CERS5: variants seen among roughly 807,000 people sequenced by gnomAD.
The protein encoded by CERS5 is LAG1 homolog, ceramide synthase 5.
CERS5 carries 37 observed loss-of-function variants against 58.9 expected under a neutral mutation model. That is an observed-to-expected ratio of 0.63 (90% confidence interval 0.48 to 0.83). The LOEUF (loss-of-function observed/expected upper bound fraction) is 0.83. Among genes scored for constraint, CERS5 ranks in the 40% least tolerant of loss-of-function variants. The pLI, the probability that CERS5 is intolerant of heterozygous loss-of-function variation, is 0.00. For missense variants in CERS5, 398 were observed against 489.3 expected (o/e 0.81, Z 1.76); for synonymous variants, 147 against 177.8 (o/e 0.83, Z 1.38).
intron 1 of CERS5, chr12:50,153,775 T>C: frequency 3.3e-6 from 1 of 301,434 alleles, no homozygotes. Context: ...GCCAATATGG[T>C]GAAACCCCAT....
At chr12:50,132,515 A>G (rs138786354) in intron 9 of CERS5, among the ~76,000 whole-genome samples, 4 of 152,348 alleles carry the variant, frequency 2.6e-5, no homozygotes, top group African/African-American at 9.6e-5. Context: ...CTGAAGGATA[A>G]TAAATGTGGT....
At chr12:50,141,796 A>C (rs563127911) in intron 4 of CERS5, among the ~76,000 whole-genome samples, 1 of 152,042 alleles carries the variant, frequency 6.6e-6, no homozygotes, top group East Asian at 1.9e-4. Flanking sequence ...AAAATTAGCC[A>C]GGTATGGTGA....
chr12:50,167,246 T>A lies in CERS5; in HGVS notation c.52A>T (p.Ser18Cys). Residue 18 changes from serine (S) to cysteine (C), a missense_variant, in exon 1 of 10, where the codon AGC (serine) becomes TGC (cysteine). Physicochemically the swap from Ser to Cys is moderately radical, Grantham distance 112. This residue lies in a region of CERS5 where 328 missense variants were observed against 384.5 expected (regional missense o/e 0.85). Coordinates refer to ENST00000317551, the MANE Select transcript of CERS5 (RefSeq NM_147190.5). Reference protein sequence around the residue: ...PLSLLWGWLWSERFWLPENVS... With the variant: ...PLSLLWGWLWCERFWLPENVS... Reference sequence around the variant, plus strand: ...TTCTCGGGTAGCCAGAAGCGCTCGCTCCACAGCCAGCCCCACAGCAAGCTT... The same window carrying A: ...TTCTCGGGTAGCCAGAAGCGCTCGCACCACAGCCAGCCCCACAGCAAGCTT... 1 of 1,595,548 alleles carries A rather than the reference T, an allele frequency of 6.3e-7. No individual in the cohort carries two copies. The highest frequency in any genetic ancestry group is 1.7e-4 in the Middle Eastern group (1 of 5,970).
At chr12:50,155,736 CAAAAA>C (rs146913126) in intron 1 of CERS5, among the ~76,000 whole-genome samples, 1 of 21,476 alleles carries the variant, frequency 4.7e-5, no homozygotes, top group Non-Finnish European at 7.7e-5. Flanking sequence ...GACTCCATCT[CAAAAA>C]AAAAAAAAAA....
intron 1 of CERS5, among the ~76,000 whole-genome samples, chr12:50,149,035 T>C (rs1055530399): frequency 6.7e-5 from 10 of 150,338 alleles, no homozygotes; most frequent in Non-Finnish European, 1.0e-4. Context: ...CCATTTTTTT[T>C]CTAAAACAGT....
chr12:50,130,531 C>A lies in CERS5; in HGVS notation c.*14G>T. On this transcript the variant is annotated 3_prime_UTR_variant, in exon 10 of 10. Transcript: ENST00000317551. Reference sequence around the variant, plus strand: ...TACAAGTCCATGTGTGCTGAAGTCCCTATAGCAACCACCTTACTCTTCAGC... The same window carrying A: ...TACAAGTCCATGTGTGCTGAAGTCCATATAGCAACCACCTTACTCTTCAGC... 1 of 1,583,764 alleles carries A rather than the reference C, an allele frequency of 6.3e-7. No individual in the cohort carries two copies. Among genetic ancestry groups the A allele is most frequent in the Non-Finnish European group, 8.6e-7 (1 of 1,157,490 alleles).
Position 50,167,069 on chromosome 12 carries a change from G to C in CERS5, c.197+32C>G, listed in dbSNP as rs775288548. 5 of 1,470,030 alleles carry C rather than the reference G, an allele frequency of 3.4e-6. No homozygotes were observed. In the African/African-American group the frequency reaches 7.4e-5, roughly 22 times the overall value. 91.1% of individuals were successfully genotyped at this position (1,470,030 alleles called of 1,614,324 possible). On this transcript the variant is annotated intron_variant, in intron 1 of 9. Transcript: ENST00000317551. Reference sequence around the variant, plus strand: ...AGCGGGGCGCCCCCGGCCCGCGCCCGGCCCCCGAGCCGCTCGCTCCCGGGC... The same window carrying C: ...AGCGGGGCGCCCCCGGCCCGCGCCCCGCCCCCGAGCCGCTCGCTCCCGGGC...
In CERS5 at chr12:50,130,662, G is replaced by A. The variant is rs1000760579; in HGVS notation, c.1062C>T (p.Ser354=). 5 of 1,608,854 alleles carry A rather than the reference G, an allele frequency of 3.1e-6. No individual in the cohort carries two copies. The African/African-American group carries it at 4.0e-5, about 13-fold the overall frequency. ...VSKDDRSDVE[S]SSEEEDVTTC... ...TGGTCACATCTTCTTCCTCTGAGCT[G>A]CTCTCCACATCACTGCGATCATCCT... The change falls in exon 10 of 10, where the codon AGC becomes AGT. Residue 354 remains serine, a synonymous_variant. Transcript: ENST00000317551.
intron 1 of CERS5, among the ~76,000 whole-genome samples, chr12:50,152,763 C>G (rs1021985976): frequency 6.6e-6 from 1 of 151,080 alleles, no homozygotes; most frequent in Non-Finnish European, 1.5e-5. Context: ...GAGTATTTAG[C>G]AAAAACTTTC....
At chr12:50,145,945 C>T (rs914736326) in intron 1 of CERS5, among the ~76,000 whole-genome samples, 2 of 152,082 alleles carry the variant, frequency 1.3e-5, no homozygotes, top group East Asian at 1.9e-4. Flanking sequence ...TAAATGAGGC[C>T]GTCATTCTTT....
intron 1 of CERS5, among the ~76,000 whole-genome samples, chr12:50,161,541 C>T (rs1939261999): frequency 6.6e-6 from 1 of 152,014 alleles, no homozygotes. Context: ...CTTTGGGAGG[C>T]CGAGGCAGGT....
At chr12:50,133,849 A>G (rs1951469187) in intron 9 of CERS5, 13 of 738,362 alleles carry the variant, frequency 1.8e-5, no homozygotes, top group Non-Finnish European at 2.1e-5. Context: ...CAAGGTGGGC[A>G]GATCACAAGG....
chr12:50,153,269 A>ATTTTTTTTTTTTT (rs202197775), intron 1 of CERS5, among the ~76,000 whole-genome samples: 3 of 93,444 alleles, frequency 3.2e-5, no homozygotes, highest in Admixed American at 1.2e-4. Flanking sequence ...AACTAATATG[A>ATTTTTTTTTTTTT]TTTTTTTTTT....
chr12:50,147,115 G>A (rs1407517495), intron 1 of CERS5, among the ~76,000 whole-genome samples: 3 of 151,390 alleles, frequency 2.0e-5, no homozygotes, highest in Non-Finnish European at 2.9e-5. Flanking sequence ...TATAAAACAG[G>A]TATCTAGGCC....
At chr12:50,138,542 T>C in intron 5 of CERS5, 25 bp downstream of exon 5, 1 of 1,605,194 alleles carries the variant, frequency 6.2e-7, no homozygotes, top group South Asian at 1.1e-5. Flanking sequence ...TCAAGACCCC[T>C]ATCCTGAAAC....
chr12:50,148,946 A>ATATATATATATATATATATGTG (rs1420401358), intron 1 of CERS5, among the ~76,000 whole-genome samples: 6 of 103,146 alleles, frequency 5.8e-5, no homozygotes, highest in Non-Finnish European at 9.7e-5. Flanking sequence ...ATATATATAT[A>ATATATATATATATATATATGTG]TGTGTGTGTG....
rs1168206591 is a variant in CERS5 at position 50,154,210 on chromosome 12, G to T, written c.198-10153C>A. On this transcript the variant is annotated intron_variant, in intron 1 of 9. Coordinates refer to ENST00000317551, the MANE Select transcript of CERS5 (RefSeq NM_147190.5). ...TCTACTAAAAATGCAAAACTTAGCT[G>T]GGTGCGGTGGCACATGCCTGTAATC... 1.2e-5 allele frequency: 4 copies of T among 345,980 alleles called. No homozygotes were observed. In the East Asian group the frequency reaches 4.6e-4, roughly 39 times the overall value. The allele number at this position is 345,980 out of a possible 1,614,324, so 21.4% of individuals were successfully genotyped here. A position where few individuals can be genotyped will look rare whatever the true frequency, so the allele number is the denominator to read the frequency against.
chr12:50,143,938 C>T lies in CERS5; in HGVS notation c.303+14G>A. The T allele has an allele frequency of 2.0e-6, 3 of 1,503,868 alleles. No individual in the cohort carries two copies. The highest frequency in any genetic ancestry group is 2.8e-6 in the Non-Finnish European group (3 of 1,080,076). The allele number at this position is 1,503,868 out of a possible 1,614,324, so 93.2% of individuals were successfully genotyped here. A position where few individuals can be genotyped will look rare whatever the true frequency, so the allele number is the denominator to read the frequency against. ...CTTATGTGAATATTCCTCTCTGTTT[C>T]TTTGCCCACTTACCTTGGTAATAGA... On this transcript the variant is annotated intron_variant, in intron 2 of 9. Transcript: ENST00000317551.
At chr12:50,130,717 C>A in intron 9 of CERS5, 23 bp from the exon 10 acceptor site, 1 of 1,555,938 alleles carries the variant, frequency 6.4e-7, no homozygotes, top group Non-Finnish European at 8.8e-7. Flanking sequence ...AGACCAAAGA[C>A]AGAAAAGTGA....
Sources: gnomAD v4.1 joint callset for allele counts (sites outside exome capture counted in the v4.1 genomes callset) on GRCh38, gnomAD v4.1.1 for gene constraint, gnomAD v4.1.1 regional missense constraint, MANE v1.5 for transcripts, NCBI Gene and HGNC (gene_info 2026-07-23, HGNC 2026-07-21) for gene names.